DCAF8L2: variants seen among roughly 807,000 people sequenced by gnomAD.
DCAF8L2 encodes DDB1- and CUL4-associated factor 8-like protein 2.
For missense variants in DCAF8L2, 430 were observed against 490.7 expected (o/e 0.88, Z 1.17); for synonymous variants, 200 against 190.9 (o/e 1.05, Z -0.39).
the DCAF8L2 span, among the ~76,000 whole-genome samples, chrX:27,527,682 G>T: frequency 8.5e-5 from 9 of 106,244 alleles, no homozygotes; most frequent in African/African-American, 2.7e-4. Flanking sequence ...TTTTTTTTCC[G>T]CTCATGTCAC....
At chrX:27,600,969 C>A (rs1226106193) in intron 1 of DCAF8L2, among the ~76,000 whole-genome samples, 1 of 109,473 alleles carries the variant, frequency 9.1e-6, no homozygotes, top group Non-Finnish European at 1.9e-5. Context: ...ACAAGGTCTC[C>A]ATCTGTCACC....
intron 3 of DCAF8L2, among the ~76,000 whole-genome samples, chrX:27,699,774 T>C (rs5926861): frequency 0.29 from 31,812 of 110,635 alleles, 3,919 homozygotes; most frequent in Middle Eastern, 0.43. Context: ...ACAACTGTAA[T>C]CCCACTGTTT....
At chrX:27,719,852 T>C (rs1375374360) in intron 4 of DCAF8L2, among the ~76,000 whole-genome samples, 1 of 112,027 alleles carries the variant, frequency 8.9e-6, no homozygotes, top group East Asian at 2.8e-4. Context: ...ATTCGGTGTA[T>C]GGCAATCAAT....
At chrX:27,744,641 C>T (rs958291699) in intron 4 of DCAF8L2, among the ~76,000 whole-genome samples, 1 of 111,160 alleles carries the variant, frequency 9.0e-6, no homozygotes, top group African/African-American at 3.3e-5. Flanking sequence ...AAACTGATGC[C>T]CAGTGTTGAA....
intron 2 of DCAF8L2, among the ~76,000 whole-genome samples, chrX:27,642,422 G>T (rs1042718316): frequency 1.8e-5 from 2 of 109,987 alleles, no homozygotes; most frequent in Non-Finnish European, 3.8e-5. Flanking sequence ...TTCTGGCTCC[G>T]ATTGAGCCCT....
At chrX:27,736,116 C>T (rs890541924) in intron 4 of DCAF8L2, among the ~76,000 whole-genome samples, 2 of 110,466 alleles carry the variant, frequency 1.8e-5, no homozygotes, top group East Asian at 5.7e-4. Flanking sequence ...AAAGTCACCC[C>T]TTCATACTCC....
At chrX:27,483,298 G>A in the DCAF8L2 span, among the ~76,000 whole-genome samples, 1 of 111,115 alleles carries the variant, frequency 9.0e-6, no homozygotes, top group African/African-American at 3.3e-5. Context: ...ACATGTACAT[G>A]GGCCTGGAAT....
chrX:27,685,620 T>C (rs754162717), intron 3 of DCAF8L2, among the ~76,000 whole-genome samples: 1 of 111,986 alleles, frequency 8.9e-6, no homozygotes, highest in Non-Finnish European at 1.9e-5. Context: ...CCTGAAACTT[T>C]GAAAGTATTA....
intron 3 of DCAF8L2, among the ~76,000 whole-genome samples, chrX:27,687,723 G>C (rs1930562753): frequency 9.0e-6 from 1 of 111,308 alleles, no homozygotes; most frequent in Non-Finnish European, 1.9e-5. Context: ...TCCTGGTCGT[G>C]CATGTGTGTA....
chrX:27,474,753 C>T, the DCAF8L2 span, among the ~76,000 whole-genome samples: 1 of 111,481 alleles, frequency 9.0e-6, no homozygotes, highest in Non-Finnish European at 1.9e-5. Flanking sequence ...GCTTTTTGTT[C>T]TTATTGGCTC....
the DCAF8L2 span, among the ~76,000 whole-genome samples, chrX:27,488,410 A>T: frequency 9.0e-6 from 1 of 111,230 alleles, no homozygotes; most frequent in African/African-American, 3.3e-5. Context: ...TTGACATATG[A>T]TTTGTAAATG....
At chrX:27,489,200 C>T in the DCAF8L2 span, among the ~76,000 whole-genome samples, 1 of 111,684 alleles carries the variant, frequency 9.0e-6, no homozygotes, top group South Asian at 3.8e-4. Flanking sequence ...TGGGTTCACC[C>T]CATTCTCCTG....
intron 2 of DCAF8L2, among the ~76,000 whole-genome samples, chrX:27,658,196 A>G (rs1929423214): frequency 8.9e-6 from 1 of 112,596 alleles, no homozygotes; most frequent in Non-Finnish European, 1.9e-5. Flanking sequence ...AATTATTTTC[A>G]TATTGTTCCT....
the DCAF8L2 span, among the ~76,000 whole-genome samples, chrX:27,563,809 A>G: frequency 2.7e-5 from 3 of 110,694 alleles, no homozygotes; most frequent in Admixed American, 9.5e-5. Flanking sequence ...ATACACACTT[A>G]TATATTGCTT....
chrX:27,653,229 TTGAC>T (rs1225253502), intron 2 of DCAF8L2, among the ~76,000 whole-genome samples: 1 of 111,610 alleles, frequency 9.0e-6, no homozygotes, highest in Non-Finnish European at 1.9e-5. Flanking sequence ...GATGAACAAT[TTGAC>T]TGATACAAAC....
chrX:27,502,329 AAAAAAAATATATATATATATATATATAT>A, the DCAF8L2 span, among the ~76,000 whole-genome samples: 5 of 32,111 alleles, frequency 1.6e-4, no homozygotes, highest in African/African-American at 2.6e-4. Flanking sequence ...AAAAAAAAAA[AAAAAAAATATATATATATATATATATAT>A]ATATATATAT....
rs1395453910 is a variant in DCAF8L2, at chrX:27,666,118, G to C, written c.-219-11718G>C. On this transcript the variant is annotated intron_variant, in intron 2 of 4. Transcript: ENST00000451261. ...TCTTTCATCAATAATTATATTTTTTGTGTTCTGACGTTAATTTCCTCTTAA... is the reference window on the plus strand; with the variant it reads ...TCTTTCATCAATAATTATATTTTTTCTGTTCTGACGTTAATTTCCTCTTAA... Among the ~76,000 whole-genome samples, 3 of 111,373 alleles carry C rather than the reference G, an allele frequency of 2.7e-5. No individual in the cohort carries two copies. In the Admixed American group the frequency reaches 2.9e-4, roughly 11 times the overall value.
intron 2 of DCAF8L2, among the ~76,000 whole-genome samples, chrX:27,670,620 A>T (rs1470405741): frequency 9.0e-6 from 1 of 111,355 alleles, no homozygotes; most frequent in East Asian, 2.8e-4. Flanking sequence ...TGGTTCAGAC[A>T]TAGTTTGTTT....
upstream of DCAF8L2, among the ~76,000 whole-genome samples, chrX:27,586,446 G>T (rs1308247901): frequency 9.0e-6 from 1 of 111,137 alleles, no homozygotes; most frequent in Non-Finnish European, 1.9e-5. Flanking sequence ...TACTTTTAAT[G>T]CAAAAAATGC....
Sources: gnomAD v4.1 joint callset for allele counts (sites outside exome capture counted in the v4.1 genomes callset) on GRCh38, gnomAD v4.1.1 for gene constraint, MANE v1.5 for transcripts, NCBI Gene and HGNC (gene_info 2026-07-23, HGNC 2026-07-21) for gene names.